NEXN: variants seen among roughly 807,000 people sequenced by gnomAD.
NEXN encodes the protein nexilin.
A neutral mutation model predicts 92.6 loss-of-function variants in NEXN; 65 were observed. The ratio of observed to expected loss-of-function variants is 0.70; its 90% CI spans 0.57 to 0.86. The LOEUF is 0.86. NEXN is among the 40% of genes least tolerant of loss of function. The pLI, the probability that NEXN is intolerant of heterozygous loss-of-function variation, is 0.00. For missense variants in NEXN, 778 were observed against 771.1 expected, an observed-to-expected ratio of 1.01 and a Z score of -0.11; for synonymous variants, 254 against 242.5, an observed-to-expected ratio of 1.05 and a Z score of -0.44.
intron 11 of NEXN, among the ~76,000 whole-genome samples, chr1:77,938,013 C>A (rs1650919669): frequency 6.6e-6 from 1 of 152,054 alleles, no homozygotes; most frequent in South Asian, 2.1e-4. Flanking sequence ...TCAAAACTGG[C>A]AGGACTTGGG....
In NEXN at chr1:77,942,593, C is replaced by T; in HGVS notation, c.1792C>T (p.Pro598Ser). Residue 598 changes from proline to serine, a missense_variant, in exon 13 of 13, where the codon CCA becomes TCA. Around this residue, in one of 3 missense-constraint regions of NEXN, gnomAD observed 532 missense variants for 476.7 expected, o/e 1.12. Coordinates refer to ENST00000334785, the MANE Select transcript of NEXN (RefSeq NM_144573.4). ...AAACACATCAGTTGTAGACAGTGAG[C>T]CAGTCAGATTTACGGTTAAAGTAAC... ...LKNTSVVDSE[P>S]VRFTVKVTGE... The T allele has an allele frequency of 1.9e-6, 3 of 1,613,746 alleles. No individual in the cohort carries two copies. The highest frequency in any genetic ancestry group is 2.5e-6 in the Non-Finnish European group (3 of 1,179,790).
intron 1 of NEXN, among the ~76,000 whole-genome samples, chr1:77,906,988 C>G (rs991382975): frequency 6.6e-6 from 1 of 152,120 alleles, no homozygotes; most frequent in Non-Finnish European, 1.5e-5. Context: ...TAGTATTTAC[C>G]TTGAAGTGTT....
chr1:77,927,668 T>A (rs1008241508), intron 8 of NEXN, among the ~76,000 whole-genome samples: 1 of 152,018 alleles, frequency 6.6e-6, no homozygotes, highest in African/African-American at 2.4e-5. Flanking sequence ...GGGGCCAGAT[T>A]GTCTAGATTC....
chr1:77,907,083 A>C (rs1648172485), intron 1 of NEXN, among the ~76,000 whole-genome samples: 1 of 152,240 alleles, frequency 6.6e-6, no homozygotes, highest in Non-Finnish European at 1.5e-5. Context: ...GTTAACTTGG[A>C]TTATCTTCAT....
intron 1 of NEXN, 104 bp downstream of exon 1, chr1:77,888,863 G>C (rs1647034837): frequency 6.5e-6 from 1 of 153,218 alleles, no homozygotes; most frequent in South Asian, 2.1e-4. Flanking sequence ...GAGGCGCTCG[G>C]GGTCTGCGGC....
intron 11 of NEXN, among the ~76,000 whole-genome samples, chr1:77,939,429 T>G (rs1186604763): frequency 1.3e-5 from 2 of 152,242 alleles, no homozygotes; most frequent in African/African-American, 4.8e-5. Context: ...AATTAAGCCC[T>G]GGAGAACACC....
At chr1:77,938,878 T>C (rs996672568) in intron 11 of NEXN, among the ~76,000 whole-genome samples, 2 of 152,314 alleles carry the variant, frequency 1.3e-5, no homozygotes, top group African/African-American at 4.8e-5. Flanking sequence ...CAAGGCAAGG[T>C]TCACAGAATA....
intron 1 of NEXN, among the ~76,000 whole-genome samples, chr1:77,909,843 A>C (rs1648420161): frequency 6.6e-6 from 1 of 152,190 alleles, no homozygotes; most frequent in Non-Finnish European, 1.5e-5. Flanking sequence ...AATAATTCCC[A>C]ACTCATTCTA....
chr1:77,926,686 A>G (rs1277735471), intron 7 of NEXN, 30 bp from the exon 8 acceptor site: 3 of 1,613,848 alleles, frequency 1.9e-6, no homozygotes, highest in East Asian at 2.2e-5. Flanking sequence ...CTTTATGACT[A>G]AAAGGTGGGT....
At position 77,942,494 on chromosome 1, in the gene NEXN, A is replaced by G; in HGVS notation, c.1693A>G (p.Ile565Val). ...REEEEEEEGS[I>V]MNGSTAEDEE... ...AGAGGAGGAGGAGGAAGAAGGTAGC[A>G]TCATGAATGGCTCCACTGCTGAAGA... The change falls in exon 13 of 13, where the codon ATC (isoleucine) becomes GTC (valine). Residue 565 changes from isoleucine (I) to valine (V), a missense_variant. Physicochemically the swap from Ile to Val is conservative, Grantham distance 29 (BLOSUM62 3). Around this residue, in one of 3 missense-constraint regions of NEXN, gnomAD observed 532 missense variants for 476.7 expected, o/e 1.12. Coordinates refer to ENST00000334785, the MANE Select transcript of NEXN (RefSeq NM_144573.4). The G allele has an allele frequency of 1.2e-6, 2 of 1,613,948 alleles. No individual in the cohort carries two copies. The highest frequency in any genetic ancestry group is 1.7e-6 in the Non-Finnish European group (2 of 1,179,852).
Position 77,943,680 on chromosome 1 carries a change from A to T in NEXN, c.*851A>T, listed in dbSNP as rs1017109193. The T allele has an allele frequency of 6.6e-6, 1 of 152,100 alleles. No individual in the cohort carries two copies. Among genetic ancestry groups the T allele is most frequent in the Non-Finnish European group, 1.5e-5 (1 of 67,934 alleles). 9.4% of individuals were successfully genotyped at this position (152,100 alleles called of 1,614,324 possible). ...ACTTTCTATTAATAGTTCACGCAAG[A>T]GAAAACACTTTCAACATAGTCGAAG... On this transcript the variant is annotated 3_prime_UTR_variant, in exon 13 of 13. Coordinates refer to ENST00000334785, the MANE Select transcript of NEXN (RefSeq NM_144573.4).
chr1:77,919,891 C>T (rs1042930458), intron 5 of NEXN, among the ~76,000 whole-genome samples: 5 of 150,478 alleles, frequency 3.3e-5, no homozygotes, highest in African/African-American at 1.2e-4. Flanking sequence ...TGAGTCACCG[C>T]ACTGGCCTCT....
Position 77,942,560 on chromosome 1 carries a change from C to A in NEXN, c.1759C>A (p.Pro587Thr), listed in dbSNP as rs1571175013. 1 of 1,613,816 alleles carries A rather than the reference C, an allele frequency of 6.2e-7. No individual in the cohort carries two copies. ...ATCAGGAGCTCCATGGTTCAAGAAG[C>A]CTCTTAAAAACACATCAGTTGTAGA... ...TRSGAPWFKK[P>T]LKNTSVVDSE... The change falls in exon 13 of 13, where the codon CCT (proline) becomes ACT (threonine). Residue 587 changes from proline to threonine, a missense_variant. Around this residue, in one of 3 missense-constraint regions of NEXN, gnomAD observed 532 missense variants for 476.7 expected, o/e 1.12. Transcript: ENST00000334785.
At chr1:77,929,789 A>G (rs534406143) in intron 9 of NEXN, among the ~76,000 whole-genome samples, 2 of 152,218 alleles carry the variant, frequency 1.3e-5, no homozygotes, top group Non-Finnish European at 2.9e-5. Context: ...CTAAGTATCC[A>G]AGGAAGAAGA....
chr1:77,919,842 T>C (rs1265271987), intron 5 of NEXN, among the ~76,000 whole-genome samples: 7 of 151,946 alleles, frequency 4.6e-5, no homozygotes, highest in African/African-American at 1.4e-4. Flanking sequence ...TCAGGTGATC[T>C]ACCTGCCTTG....
intron 5 of NEXN, among the ~76,000 whole-genome samples, chr1:77,923,923 G>A (rs190158852): frequency 5.7e-4 from 86 of 151,496 alleles, no homozygotes; most frequent in Middle Eastern, 3.4e-3. Context: ...TGATCCGCCC[G>A]CCTCAGCCTC....
chr1:77,912,046 T>G (rs555823138), intron 1 of NEXN, among the ~76,000 whole-genome samples: 1 of 146,732 alleles, frequency 6.8e-6, no homozygotes, highest in East Asian at 2.0e-4. Flanking sequence ...ACCATTGCAC[T>G]CCAGTCTGGG....
chr1:77,930,518 T>C (rs1650203822), intron 9 of NEXN, among the ~76,000 whole-genome samples: 1 of 152,242 alleles, frequency 6.6e-6, no homozygotes. Context: ...GAAATTTTGA[T>C]TGTGTTTTGT....
intron 10 of NEXN, among the ~76,000 whole-genome samples, chr1:77,935,388 A>C (rs1650666308): frequency 6.6e-6 from 1 of 152,154 alleles, no homozygotes; most frequent in Non-Finnish European, 1.5e-5. Context: ...ATCTTCCTAC[A>C]ACTCCTACAA....
Sources: gnomAD v4.1 joint callset for allele counts (sites outside exome capture counted in the v4.1 genomes callset) on GRCh38, gnomAD v4.1.1 for gene constraint, gnomAD v4.1.1 regional missense constraint, MANE v1.5 for transcripts, NCBI Gene and HGNC (gene_info 2026-07-23, HGNC 2026-07-21) for gene names.